The following OR2L13 variants were observed in gnomAD, a reference collection of about 807,000 sequenced individuals.
OR2L13 encodes olfactory receptor 2L13.
In OR2L13, 14 loss-of-function variants were observed where a neutral mutation model predicts 15.3. The ratio of observed to expected loss-of-function variants is 0.91; its 90% confidence interval spans 0.60 to 1.43. The LOEUF (loss-of-function observed/expected upper bound fraction) is 1.43. Ranked by LOEUF, OR2L13 falls within the 40% of genes most tolerant of loss-of-function variation. The pLI, the probability that OR2L13 is intolerant of heterozygous loss-of-function variation, is 0.00. For missense variants in OR2L13, 367 were observed against 387.9 expected (o/e 0.95, Z 0.45); for synonymous variants, 152 against 142.9 (o/e 1.06, Z -0.45).
At chr1:247,942,679 A>G in the OR2L13 span, among the ~76,000 whole-genome samples, 32 of 152,308 alleles carry the variant, frequency 2.1e-4, 1 homozygote, top group South Asian at 1.0e-3. Flanking sequence ...TTTGGAAATT[A>G]AATTAGAATA....
the OR2L13 span, among the ~76,000 whole-genome samples, chr1:248,002,889 C>T: frequency 1.3e-5 from 2 of 152,020 alleles, no homozygotes; most frequent in African/African-American, 2.4e-5. Flanking sequence ...GGATTCCCCC[C>T]TTTTCAATTG....
chr1:248,032,516 C>T, the OR2L13 span, among the ~76,000 whole-genome samples: 3 of 152,266 alleles, frequency 2.0e-5, no homozygotes, highest in East Asian at 5.8e-4. Context: ...CTCCTTGACT[C>T]CCTTCCCCCA....
the OR2L13 span, among the ~76,000 whole-genome samples, chr1:248,082,686 T>C: frequency 1.1e-3 from 168 of 152,318 alleles, no homozygotes; most frequent in Middle Eastern, 6.8e-3. Context: ...TTCTTTTTTT[T>C]GTTTTGCAAA....
chr1:248,022,930 C>T, the OR2L13 span: 18 of 1,536,526 alleles, frequency 1.2e-5, no homozygotes, highest in Non-Finnish European at 1.5e-5. Context: ...TTCATATCAA[C>T]TCAGCAGTGT....
At chr1:248,051,572 G>A in the OR2L13 span, among the ~76,000 whole-genome samples, 5,816 of 152,120 alleles carry the variant, frequency 0.038, 362 homozygotes, top group African/African-American at 0.13. Flanking sequence ...AGTAGACACT[G>A]GGGACTCCAA....
the OR2L13 span, among the ~76,000 whole-genome samples, chr1:247,969,732 G>A: frequency 6.6e-6 from 1 of 152,280 alleles, no homozygotes; most frequent in East Asian, 1.9e-4. Context: ...ATGTGATCCA[G>A]TTGGCATTTT....
At chr1:247,958,860 G>C in the OR2L13 span, among the ~76,000 whole-genome samples, 2 of 152,016 alleles carry the variant, frequency 1.3e-5, no homozygotes, top group African/African-American at 4.8e-5. Flanking sequence ...TGGTTTTCCT[G>C]AATACAGCAC....
chr1:247,949,448 A>G, the OR2L13 span: 1 of 1,545,668 alleles, frequency 6.5e-7, no homozygotes, highest in African/African-American at 1.3e-5. Context: ...ATGAGGGCAC[A>G]GTGTTTTTGA....
At chr1:247,952,755 G>A in the OR2L13 span, among the ~76,000 whole-genome samples, 127,200 of 152,160 alleles carry the variant, frequency 0.84, 56,854 homozygotes, top group Non-Finnish European at 0.98. Context: ...GAATTAAGCA[G>A]TGGTGTCTGG....
the OR2L13 span, among the ~76,000 whole-genome samples, chr1:247,988,921 T>C: frequency 6.6e-6 from 1 of 152,198 alleles, no homozygotes; most frequent in African/African-American, 2.4e-5. Flanking sequence ...TTGATAAATA[T>C]TCTTATGATC....
chr1:248,038,386 G>A, the OR2L13 span: 38 of 1,613,508 alleles, frequency 2.4e-5, 1 homozygote, highest in South Asian at 4.2e-4. Flanking sequence ...GCTCTAATTG[G>A]AAATCTATCC....
chr1:248,049,827 A>G, the OR2L13 span, among the ~76,000 whole-genome samples: 1 of 152,158 alleles, frequency 6.6e-6, no homozygotes, highest in Non-Finnish European at 1.5e-5. Flanking sequence ...GGGATGAACT[A>G]CACCACACAT....
At chr1:247,979,202 G>A in the OR2L13 span, among the ~76,000 whole-genome samples, 1 of 152,086 alleles carries the variant, frequency 6.6e-6, no homozygotes, top group African/African-American at 2.4e-5. Flanking sequence ...TAGGGTACAT[G>A]TGCATAACGT....
the OR2L13 span, among the ~76,000 whole-genome samples, chr1:248,018,597 C>T: frequency 6.6e-6 from 1 of 152,060 alleles, no homozygotes; most frequent in Admixed American, 6.6e-5. Flanking sequence ...TTTGGAATTC[C>T]AAATATGGAA....
the OR2L13 span, among the ~76,000 whole-genome samples, chr1:248,018,598 A>G: frequency 3.0e-4 from 45 of 152,222 alleles, 2 homozygotes. Flanking sequence ...TTGGAATTCC[A>G]AATATGGAAT....
the OR2L13 span, among the ~76,000 whole-genome samples, chr1:248,001,886 C>G: frequency 9.9e-5 from 15 of 152,000 alleles, no homozygotes; most frequent in East Asian, 3.8e-4. Flanking sequence ...TAATGTAAAC[C>G]ATATCTTGGA....
At chr1:247,940,710 G>T in the OR2L13 span, among the ~76,000 whole-genome samples, 1 of 135,250 alleles carries the variant, frequency 7.4e-6, no homozygotes, top group East Asian at 2.2e-4. Context: ...GAATGATTTT[G>T]TGTGTGTGTG....
At chr1:248,100,039 T>C (rs1487692119) in exon 3 of OR2L13, 1 of 1,614,160 alleles carries the variant, frequency 6.2e-7, no homozygotes, top group Admixed American at 1.7e-5. Context: ...CCGAGTCCTA[T>C]TTGCTGTCTA....
At chr1:248,070,803 G>A in the OR2L13 span, among the ~76,000 whole-genome samples, 1 of 152,102 alleles carries the variant, frequency 6.6e-6, no homozygotes, top group Non-Finnish European at 1.5e-5. Flanking sequence ...TATCACCACT[G>A]ATCCCACAGA....
Sources: allele counts gnomAD v4.1 joint callset (sites outside exome capture counted in the v4.1 genomes callset), GRCh38; gene constraint gnomAD v4.1.1; transcripts MANE v1.5; gene names NCBI Gene and HGNC (gene_info 2026-07-23, HGNC 2026-07-21).